The following RNF17 variants were observed in gnomAD, a reference collection of about 807,000 sequenced individuals.
RNF17 encodes the protein spermatogenesis associated 23.
Under a neutral mutation model 200.5 loss-of-function variants are expected in RNF17, and 31 were observed. The observed-to-expected ratio is 0.15, with a 90% CI of 0.12 to 0.21. RNF17 has a LOEUF of 0.21. Ranked by LOEUF, RNF17 falls within the 10% of genes least tolerant of loss-of-function variation. RNF17 has a pLI of 1.00. For missense variants in RNF17, 1,628 were observed against 1,905.1 expected, an observed-to-expected ratio of 0.85 and a Z score of 2.71; for synonymous variants, 606 against 637.8, an observed-to-expected ratio of 0.95 and a Z score of 0.75.
downstream of RNF17, among the ~76,000 whole-genome samples, chr13:24,881,669 A>ATATC (rs148395444): frequency 2.0e-5 from 3 of 149,952 alleles, no homozygotes; most frequent in Admixed American, 1.3e-4. Context: ...TAACCTATAT[A>ATATC]TATCTATCTA....
chr13:24,840,629 T>C (rs898885791), intron 18 of RNF17, among the ~76,000 whole-genome samples: 1 of 152,106 alleles, frequency 6.6e-6, no homozygotes, highest in Admixed American at 6.6e-5. Context: ...GAGACTATTA[T>C]TCTGAGTGAA....
At chr13:24,820,475 ACC>A in intron 15 of RNF17, among the ~76,000 whole-genome samples, 1 of 145,406 alleles carries the variant, frequency 6.9e-6, no homozygotes, top group East Asian at 2.1e-4. Context: ...TTGCTCTGTC[ACC>A]CAGGTTGGAG....
chr13:24,881,513 A>T (rs1221124328), downstream of RNF17, among the ~76,000 whole-genome samples: 1 of 151,970 alleles, frequency 6.6e-6, no homozygotes, highest in East Asian at 1.9e-4. Flanking sequence ...AGATATCTCT[A>T]GAATATATCA....
chr13:24,842,559 C>G (rs371889756), intron 19 of RNF17, among the ~76,000 whole-genome samples: 3 of 152,172 alleles, frequency 2.0e-5, no homozygotes, highest in Non-Finnish European at 4.4e-5. Flanking sequence ...TTCCTGGATT[C>G]AAGTGGATAC....
At chr13:24,868,794 C>A (rs1893952328) in intron 31 of RNF17, 78 bp downstream of exon 31, 2 of 773,684 alleles carry the variant, frequency 2.6e-6, no homozygotes, top group Non-Finnish European at 4.5e-6. Flanking sequence ...AGTGACTCTT[C>A]ACTTCTCTAT....
At chr13:24,751,180 T>A in the RNF17 span, 1 of 152,140 alleles carries the variant, frequency 6.6e-6, no homozygotes, top group Non-Finnish European at 1.5e-5. Flanking sequence ...AGGCCTGTCA[T>A]ACTCGTCTTT....
rs1416479887 is a variant in RNF17, at chr13:24,868,657, C to T, written c.4219C>T (p.Leu1407=). 8.1e-6 allele frequency: 13 copies of T among 1,611,186 alleles called. No individual in the cohort carries two copies. The highest frequency in any genetic ancestry group is 1.1e-5 in the Non-Finnish European group (13 of 1,177,576). Residue 1407 remains leucine, a synonymous_variant, in exon 31 of 36, where the codon CTG becomes TTG. Coordinates refer to ENST00000255324, the MANE Select transcript of RNF17 (RefSeq NM_031277.3). The part of the protein sequence containing the change: ...PLLPPYLSSS[L]PSPGELYAVQ... ...TTTACCACCATATTTGTCTTCATCTCTGCCTTCCCCAGGAGAACTCTATGC... is the reference window on the plus strand; with the variant it reads ...TTTACCACCATATTTGTCTTCATCTTTGCCTTCCCCAGGAGAACTCTATGC...
intron 7 of RNF17, among the ~76,000 whole-genome samples, chr13:24,788,451 T>C (rs762181467): frequency 5.9e-5 from 9 of 151,776 alleles, no homozygotes; most frequent in Non-Finnish European, 1.2e-4. Flanking sequence ...TAAGGTGACA[T>C]TGAGGTGAAA....
At chr13:24,771,962 C>T (rs1020886361) in intron 2 of RNF17, among the ~76,000 whole-genome samples, 1 of 152,186 alleles carries the variant, frequency 6.6e-6, no homozygotes, top group Non-Finnish European at 1.5e-5. Flanking sequence ...CGAGATCGCA[C>T]TATTGCACTC....
chr13:24,853,324 A>G (rs1892141113), intron 24 of RNF17, among the ~76,000 whole-genome samples: 2 of 152,326 alleles, frequency 1.3e-5, no homozygotes, highest in East Asian at 1.9e-4. Flanking sequence ...TTTTTTATAC[A>G]GTAGGGATAC....
At chr13:24,861,435 T>A in intron 27 of RNF17, 48 bp downstream of exon 27, 1 of 1,229,126 alleles carries the variant, frequency 8.1e-7, no homozygotes, top group Non-Finnish European at 1.1e-6. Context: ...ATATTAGTTT[T>A]TATTAATAAT....
chr13:24,827,190 C>T (rs1232690142), intron 16 of RNF17, among the ~76,000 whole-genome samples: 1 of 152,028 alleles, frequency 6.6e-6, no homozygotes, highest in African/African-American at 2.4e-5. Context: ...CCTCAGCCTT[C>T]CAAAGATGTT....
chr13:24,850,401 G>A lies in RNF17; in HGVS notation c.3162G>A (p.Leu1054=), dbSNP rs1454923934. ...CTTGTGACTGTCTTTCATTGTACCT[G>A]ACTGGAGCTGTAGCAACTATAATCT... is the stretch of plus-strand genomic sequence containing the variant. ...ATACDCLSLY[L]TGAVATIILQ... The change falls in exon 23 of 36, where the codon CTG becomes CTA. Residue 1054 remains leucine, a synonymous_variant. Transcript: ENST00000255324. The A allele has an allele frequency of 2.5e-6, 4 of 1,613,538 alleles. No homozygotes were observed. In the Admixed American group the frequency reaches 6.7e-5, roughly 27 times the overall value.
chr13:24,836,221 A>G (rs1889982564), intron 18 of RNF17, among the ~76,000 whole-genome samples: 1 of 152,220 alleles, frequency 6.6e-6, no homozygotes, highest in Admixed American at 6.5e-5. Flanking sequence ...ATTGAGGAAA[A>G]CTTCCCCAGC....
chr13:24,885,546 C>T, the RNF17 span: 11 of 1,345,610 alleles, frequency 8.2e-6, no homozygotes, highest in African/African-American at 1.4e-4. Flanking sequence ...AGTCTATTAA[C>T]AAATTGATTT....
chr13:24,874,831 C>G (rs1291063202), intron 33 of RNF17, among the ~76,000 whole-genome samples: 1 of 152,218 alleles, frequency 6.6e-6, no homozygotes, highest in Non-Finnish European at 1.5e-5. Context: ...AAACCCTGCA[C>G]CTGTTAAGTA....
intron 15 of RNF17, among the ~76,000 whole-genome samples, chr13:24,805,633 C>T (rs1486902906): frequency 6.6e-6 from 1 of 152,156 alleles, no homozygotes. Context: ...CACCTTTTGG[C>T]CTATGTGAAT....
At chr13:24,782,871 G>C (rs922226498) in intron 6 of RNF17, among the ~76,000 whole-genome samples, 1 of 151,996 alleles carries the variant, frequency 6.6e-6, no homozygotes, top group African/African-American at 2.4e-5. Flanking sequence ...TCACTCTCTC[G>C]ATAATGTCCT....
rs1886347235 is a variant in RNF17, at chr13:24,809,642, C to T, written c.2091+5213C>T. ...GGGTTTTTTGTGTCTCTATTTCCTT[C>T]AGTTCTGCTCTGATTTTAGTTATTT... On this transcript the variant is annotated intron_variant, in intron 15 of 35. Coordinates refer to ENST00000255324, the MANE Select transcript of RNF17 (RefSeq NM_031277.3). 2.6e-5 allele frequency among the ~76,000 whole-genome samples: 4 copies of T among 152,054 alleles called. No individual in the cohort carries two copies. The South Asian group carries it at 8.3e-4, about 32-fold the overall frequency.
Sources: gnomAD v4.1 joint callset for allele counts (sites outside exome capture counted in the v4.1 genomes callset) on GRCh38, gnomAD v4.1.1 for gene constraint, MANE v1.5 for transcripts, NCBI Gene and HGNC (gene_info 2026-07-23, HGNC 2026-07-21) for gene names.